The following ERVH48-1 variants were observed in gnomAD, a reference collection of about 807,000 sequenced individuals.
ERVH48-1 encodes the protein suppressyn.
A neutral mutation model predicts 2.4 loss-of-function variants in ERVH48-1; 4 were observed. The ratio of observed to expected loss-of-function variants is 1.68; its 90% confidence interval spans 0.83 to 3.84. The LOEUF is 3.84. Among genes scored for constraint, ERVH48-1 ranks in the 30% most tolerant of loss-of-function variants. The pLI is 0.01. For missense variants in ERVH48-1, 97 were observed against 43.4 expected (o/e 2.23, Z -3.47); for synonymous variants, 32 against 15.5 (o/e 2.06, Z -2.49).
At chr21:42,921,882 C>A (rs1356215656) in intron 1 of ERVH48-1, among the ~76,000 whole-genome samples, 1 of 152,104 alleles carries the variant, frequency 6.6e-6, no homozygotes, top group Non-Finnish European at 1.5e-5. Context: ...AAAAAAGCAT[C>A]CTTTAGGTCT....
rs750718209 is a variant in ERVH48-1 at position 42,918,582 on chromosome 21, G to T, written c.425C>A (p.Pro142Gln). The stretch of plus-strand genomic sequence containing the variant: ...CGGGCGATTTTCAGGGGGAGTTGTT[G>T]GTTTTGAGGCTTTGGCTTTGGCTAT... ...QIIAKAKASK[P>Q]TTPPENRPRH... The change falls in exon 2 of 2, where the codon CCA (proline) becomes CAA (glutamine). Residue 142 changes from proline (P) to glutamine (Q), a missense_variant. Coordinates refer to ENST00000447535, the MANE Select transcript of ERVH48-1 (RefSeq NM_001308491.2). The T allele has an allele frequency of 4.4e-6, 2 of 456,350 alleles. No individual in the cohort carries two copies. Among genetic ancestry groups the T allele is most frequent in the African/African-American group, 2.0e-5 (1 of 50,048 alleles). 28.3% of individuals were successfully genotyped at this position (456,350 alleles called of 1,614,324 possible).
chr21:42,924,970 G>C (rs1161977969), intron 1 of ERVH48-1, among the ~76,000 whole-genome samples: 1 of 145,144 alleles, frequency 6.9e-6, no homozygotes, highest in Non-Finnish European at 1.5e-5. Context: ...TTTTGAGACA[G>C]AGTCTTGCTC....
chr21:42,921,394 G>GCA (rs1308610129), intron 1 of ERVH48-1, among the ~76,000 whole-genome samples: 7 of 152,248 alleles, frequency 4.6e-5, no homozygotes, highest in African/African-American at 1.4e-4. Context: ...TCCTAGAAAA[G>GCA]AGAGAATTTC....
Position 42,918,701 on chromosome 21 carries a change from A to G in ERVH48-1, c.306T>C (p.Ile102=), listed in dbSNP as rs770965657. 7 of 456,606 alleles carry G rather than the reference A, an allele frequency of 1.5e-5. No homozygotes were observed. Among genetic ancestry groups the G allele is most frequent in the Non-Finnish European group, 2.2e-5 (5 of 226,982 alleles). The allele number at this position is 456,606 out of a possible 1,614,324, so 28.3% of individuals were successfully genotyped here. The change falls in exon 2 of 2, where the codon ATT becomes ATC. Residue 102 remains isoleucine (I), a synonymous_variant. Transcript: ENST00000447535. The part of the protein sequence containing the change: ...LGVCGSRNGA[I]CPRGKQWLCF... ...AAAGCCACTGCTTCCCTCTGGGGCAAATAGCCCCATTACGACTGCCACATA... is the reference window on the plus strand; with the variant it reads ...AAAGCCACTGCTTCCCTCTGGGGCAGATAGCCCCATTACGACTGCCACATA...
In ERVH48-1 at chr21:42,925,452, GT is replaced by G; in HGVS notation, c.-393del. 2.2e-6 allele frequency: 1 copy of G among 463,546 alleles called. No homozygotes were observed. Among genetic ancestry groups the G allele is most frequent in the Non-Finnish European group, 4.0e-6 (1 of 249,814 alleles). 28.7% of individuals were successfully genotyped at this position (463,546 alleles called of 1,614,324 possible). A position where few individuals can be genotyped will look rare whatever the true frequency, so the allele number is the denominator to read the frequency against. On this transcript the variant is annotated 5_prime_UTR_variant, in exon 1 of 2. Transcript: ENST00000447535. Reference sequence around the variant, plus strand: ...GCCTGCTTTCCCAGATGGAGGGGTGGTAGGTCCACTGGGGACGTGGACGGAA... The same window carrying G: ...GCCTGCTTTCCCAGATGGAGGGGTGGAGGTCCACTGGGGACGTGGACGGAA...
chr21:42,919,173 G>GT lies in ERVH48-1; in HGVS notation c.-168dup. 1.2e-6 allele frequency: 1 copy of GT among 802,156 alleles called. No homozygotes were observed. The highest frequency in any genetic ancestry group is 1.8e-5 in the South Asian group (1 of 54,924). 49.7% of individuals were successfully genotyped at this position (802,156 alleles called of 1,614,324 possible). A position where few individuals can be genotyped will look rare whatever the true frequency, so the allele number is the denominator to read the frequency against. On this transcript the variant is annotated 5_prime_UTR_variant, in exon 2 of 2. Coordinates refer to ENST00000447535, the MANE Select transcript of ERVH48-1 (RefSeq NM_001308491.2). ...GCTTGACCCTGGTGCGATGGATCCA[G>GT]TTGGGGAGTCCTCGGACTCTCACTG...
intron 1 of ERVH48-1, among the ~76,000 whole-genome samples, chr21:42,923,720 C>G (rs2058813409): frequency 6.6e-6 from 1 of 152,166 alleles, no homozygotes; most frequent in Non-Finnish European, 1.5e-5. Context: ...GGGACTGCCT[C>G]TGTGCCAGCA....
intron 1 of ERVH48-1, among the ~76,000 whole-genome samples, chr21:42,919,840 CAA>C (rs981616316): frequency 5.3e-5 from 8 of 152,278 alleles, no homozygotes; most frequent in African/African-American, 1.9e-4. Context: ...AAAGTACAGA[CAA>C]AGACTAGAAG....
intron 1 of ERVH48-1, among the ~76,000 whole-genome samples, chr21:42,921,245 A>G (rs1006121958): frequency 3.3e-5 from 5 of 152,096 alleles, no homozygotes; most frequent in African/African-American, 1.2e-4. Context: ...GGGGTGACAG[A>G]CTTCTGGAGT....
At chr21:42,923,826 G>A (rs2058813691) in intron 1 of ERVH48-1, among the ~76,000 whole-genome samples, 1 of 152,216 alleles carries the variant, frequency 6.6e-6, no homozygotes, top group African/African-American at 2.4e-5. Flanking sequence ...TGGAAGAGAG[G>A]ATAACGTAGA....
At chr21:42,924,036 G>T (rs1394353382) in intron 1 of ERVH48-1, among the ~76,000 whole-genome samples, 2 of 152,226 alleles carry the variant, frequency 1.3e-5, no homozygotes, top group Non-Finnish European at 2.9e-5. Flanking sequence ...CTGAAGTAAG[G>T]GTGGGGCATG....
chr21:42,925,132 G>C (rs2058817029), intron 1 of ERVH48-1, among the ~76,000 whole-genome samples: 1 of 152,106 alleles, frequency 6.6e-6, no homozygotes, highest in African/African-American at 2.4e-5. Context: ...TTTTAGTAGA[G>C]ACGGAGTTTC....
intron 1 of ERVH48-1, among the ~76,000 whole-genome samples, chr21:42,920,586 G>A (rs1181915188): frequency 1.3e-5 from 2 of 152,218 alleles, no homozygotes; most frequent in Admixed American, 6.5e-5. Flanking sequence ...GAGAGCTCAA[G>A]TGAGGACGAT....
intron 1 of ERVH48-1, 49 bp from the exon 2 acceptor site, chr21:42,919,340 G>C (rs1453389595): frequency 9.7e-6 from 2 of 206,384 alleles, no homozygotes; most frequent in Non-Finnish European, 2.0e-5. Flanking sequence ...TCGGCAGGGA[G>C]AGGCATGGCC....
Position 42,921,572 on chromosome 21 carries a change from A to G in ERVH48-1, c.-285-2281T>C, listed in dbSNP as rs560334412. 5.9e-5 allele frequency among the ~76,000 whole-genome samples: 9 copies of G among 152,172 alleles called. 1 individual carries two copies. The South Asian group carries it at 1.9e-3, about 32-fold the overall frequency. On this transcript the variant is annotated intron_variant, in intron 1 of 1. Coordinates refer to ENST00000447535, the MANE Select transcript of ERVH48-1 (RefSeq NM_001308491.2). ...CCCCACTCTGCCAGAAGTTTAAAAG[A>G]GAGATAGTATGGGCATTGCAGTCTT...
rs988147091 is a variant in ERVH48-1, at chr21:42,925,367, G to A, written c.-307C>T. On this transcript the variant is annotated 5_prime_UTR_variant, in exon 1 of 2. Coordinates refer to ENST00000447535, the MANE Select transcript of ERVH48-1 (RefSeq NM_001308491.2). ...TTACCAGTAGGCGAGATCAGTGACC[G>A]ATGTGCATGCACAGAGAGGCGACTA... is the stretch of plus-strand genomic sequence containing the variant. 21 of 460,128 alleles carry A rather than the reference G, an allele frequency of 4.6e-5. No homozygotes were observed. Among genetic ancestry groups the A allele is most frequent in the Non-Finnish European group, 7.1e-5 (18 of 253,634 alleles). The allele number at this position is 460,128 out of a possible 1,614,324, so 28.5% of individuals were successfully genotyped here.
rs1321710198 is a variant in ERVH48-1, at chr21:42,917,428, G to A, written c.*1096C>T. 4 of 152,114 alleles carry A rather than the reference G, an allele frequency of 2.6e-5. No homozygotes were observed. The highest frequency in any genetic ancestry group is 2.6e-4 in the Admixed American group (4 of 15,252). 9.4% of individuals were successfully genotyped at this position (152,114 alleles called of 1,614,324 possible). On this transcript the variant is annotated 3_prime_UTR_variant, in exon 2 of 2. Transcript: ENST00000447535. ...AAATTAGAGAACCACCCTCCTAGAA[G>A]GTTTGCTGGGTCCCATCCCTCCCAG...
At chr21:42,921,531 A>G (rs2058805695) in intron 1 of ERVH48-1, among the ~76,000 whole-genome samples, 1 of 151,982 alleles carries the variant, frequency 6.6e-6, no homozygotes, top group Non-Finnish European at 1.5e-5. Context: ...GCGCTTTTTT[A>G]GGGGATACCT....
In ERVH48-1 at chr21:42,918,707, C is replaced by G. The variant is rs1165544037; in HGVS notation, c.300G>C (p.Gly100=). Residue 100 remains glycine (G), a synonymous_variant, in exon 2 of 2, where the codon GGG becomes GGC. Transcript: ENST00000447535. ...ACTGCTTCCCTCTGGGGCAAATAGCCCCATTACGACTGCCACATACTCCTA... is the reference window on the plus strand; with the variant it reads ...ACTGCTTCCCTCTGGGGCAAATAGCGCCATTACGACTGCCACATACTCCTA... ...KNLGVCGSRN[G]AICPRGKQWL... is the part of the protein sequence containing the mutation. 6 of 456,566 alleles carry G rather than the reference C, an allele frequency of 1.3e-5. No individual in the cohort carries two copies. In the East Asian group the frequency reaches 4.2e-4, roughly 32 times the overall value. The allele number at this position is 456,566 out of a possible 1,614,324, so 28.3% of individuals were successfully genotyped here.
Sources: allele counts gnomAD v4.1 joint callset (sites outside exome capture counted in the v4.1 genomes callset), GRCh38; gene constraint gnomAD v4.1.1; transcripts MANE v1.5; gene names NCBI Gene and HGNC (gene_info 2026-07-23, HGNC 2026-07-21).